Variants in ESR1 observed in about 807,000 individuals in gnomAD.
ESR1 encodes the protein estrogen receptor 1, also known as estrogen receptor.
Under a neutral mutation model 52.7 loss-of-function variants are expected in ESR1, and 12 were observed. The observed-to-expected ratio is 0.23, with a 90% CI of 0.15 to 0.37. ESR1 has a LOEUF of 0.37. ESR1 is among the 10% of genes least tolerant of loss of function. The pLI, the probability that ESR1 is intolerant of heterozygous loss-of-function variation, is 1.00. For missense variants in ESR1, 584 were observed against 779.7 expected, an observed-to-expected ratio of 0.75 and a Z score of 2.99; for synonymous variants, 305 against 316.8, an observed-to-expected ratio of 0.96 and a Z score of 0.39.
At chr6:152,085,110 C>T (rs2049590719) in intron 6 of ESR1, among the ~76,000 whole-genome samples, 4 of 152,126 alleles carry the variant, frequency 2.6e-5, no homozygotes, top group Admixed American at 2.6e-4. Context: ...TCTTCCTCTT[C>T]TGGATCGCTT....
Position 152,099,049 on chromosome 6 carries a change from C to G in ESR1, c.*83C>G, listed in dbSNP as rs886415111. On this transcript the variant is annotated 3_prime_UTR_variant, in exon 8 of 8. Coordinates refer to ENST00000206249, the MANE Select transcript of ESR1 (RefSeq NM_000125.4). The stretch of plus-strand genomic sequence containing the variant: ...GCACCACTTTAGCCAAATTCTGTCT[C>G]CTGCATACACTCCGGCATGCATCCA... The G allele has an allele frequency of 9.3e-7, 1 of 1,075,330 alleles. No homozygotes were observed. The highest frequency in any genetic ancestry group is 1.5e-5 in the African/African-American group (1 of 64,646). The allele number at this position is 1,075,330 out of a possible 1,614,324, so 66.6% of individuals were successfully genotyped here. A position where few individuals can be genotyped will look rare whatever the true frequency, so the allele number is the denominator to read the frequency against.
At chr6:151,806,530 G>GTGTATATATA (rs1554259015), upstream of ESR1, among the ~76,000 whole-genome samples, 5 of 96,446 alleles carry the variant, frequency 5.2e-5, no homozygotes, top group South Asian at 3.3e-4. Flanking sequence ...TCCTTAATAT[G>GTGTATATATA]TATATATATA....
At chr6:151,703,855 T>C (rs1365542955) in intron 2 of ESR1, among the ~76,000 whole-genome samples, 1 of 152,176 alleles carries the variant, frequency 6.6e-6, no homozygotes, top group Non-Finnish European at 1.5e-5. Context: ...AAACTTTGAT[T>C]CCAGAAAGGT....
chr6:151,718,421 A>G (rs1232791255), intron 2 of ESR1, among the ~76,000 whole-genome samples: 1 of 152,232 alleles, frequency 6.6e-6, no homozygotes, highest in African/African-American at 2.4e-5. Context: ...TAATTAAATA[A>G]TGAATTATTT....
chr6:151,760,157 C>T (rs1784566701), intron 2 of ESR1, among the ~76,000 whole-genome samples: 1 of 152,110 alleles, frequency 6.6e-6, no homozygotes, highest in Admixed American at 6.5e-5. Flanking sequence ...TATACATATT[C>T]CCAGGAGACT....
chr6:151,813,068 C>T (rs1434828841), intron 1 of ESR1, among the ~76,000 whole-genome samples: 1 of 151,838 alleles, frequency 6.6e-6, no homozygotes, highest in South Asian at 2.1e-4. Context: ...CTGGAGGTTA[C>T]GGGAAGCACC....
At chr6:152,116,131 CACG>C (rs1182960993) in intron 6 of ESR1, among the ~76,000 whole-genome samples, 1 of 152,098 alleles carries the variant, frequency 6.6e-6, no homozygotes, top group African/African-American at 2.4e-5. Context: ...TGTAAATCAT[CACG>C]ACTTTTTTAG....
At chr6:151,880,896 C>A in intron 3 of ESR1, 125 bp downstream of exon 3, 1 of 655,372 alleles carries the variant, frequency 1.5e-6, no homozygotes, top group Non-Finnish European at 2.8e-6. Flanking sequence ...TTTTTCTATT[C>A]TTATTTTTCT....
At chr6:151,709,029 A>G (rs1470518261) in intron 2 of ESR1, among the ~76,000 whole-genome samples, 2 of 152,176 alleles carry the variant, frequency 1.3e-5, no homozygotes, top group Admixed American at 6.5e-5. Context: ...GTTATTAACT[A>G]TAGTCACCAT....
In ESR1 at chr6:151,880,665, C is replaced by A; in HGVS notation, c.654C>A (p.Asp218Glu). The A allele has an allele frequency of 6.3e-7, 1 of 1,596,712 alleles. No individual in the cohort carries two copies. Among genetic ancestry groups the A allele is most frequent in the Non-Finnish European group, 8.6e-7 (1 of 1,164,096 alleles). The change falls in exon 3 of 8, where the codon GAC (aspartate) becomes GAA (glutamate). Residue 218 changes from aspartate (D) to glutamate (E), a missense_variant. Asp to Glu is a conservative substitution (Grantham distance 45, BLOSUM62 2). Around this residue, in one of 6 missense-constraint regions of ESR1, gnomAD observed 25 missense variants for 53.0 expected, o/e 0.47. Transcript: ENST00000206249. ...FFKRSIQGHN[D>E]YMCPATNQCT... ...TCTTGCTTTTAATAGGACATAACGACTATATGTGTCCAGCCACCAACCAGT... is the reference window on the plus strand; with the variant it reads ...TCTTGCTTTTAATAGGACATAACGAATATATGTGTCCAGCCACCAACCAGT...
upstream of ESR1, among the ~76,000 whole-genome samples, chr6:151,803,818 G>A (rs1183678865): frequency 6.6e-6 from 1 of 152,156 alleles, no homozygotes; most frequent in Non-Finnish European, 1.5e-5. Flanking sequence ...CCTCGAAGAA[G>A]ACAGTGAGAT....
At chr6:151,771,929 T>C (rs965285849) in intron 2 of ESR1, among the ~76,000 whole-genome samples, 2 of 152,226 alleles carry the variant, frequency 1.3e-5, no homozygotes, top group African/African-American at 4.8e-5. Context: ...GATACACTGC[T>C]TGACTATTAT....
intron 6 of ESR1, among the ~76,000 whole-genome samples, chr6:152,080,803 T>A (rs59918800): frequency 0.074 from 11,120 of 151,270 alleles, 764 homozygotes; most frequent in African/African-American, 0.19. Flanking sequence ...CGAAGGAAAA[T>A]CTACTGAGCA....
intron 1 of ESR1, among the ~76,000 whole-genome samples, chr6:151,818,757 T>G (rs1334066728): frequency 1.3e-5 from 2 of 152,044 alleles, no homozygotes; most frequent in African/African-American, 2.4e-5. Context: ...AAACTCTAAT[T>G]AATCATAAGC....
In ESR1 at chr6:151,732,501, A is replaced by G. The variant is rs1342919256; in HGVS notation, c.-71+30496A>G. On this transcript the variant is annotated intron_variant, in intron 2 of 2. Transcript: ENST00000404742. ...AGAAAGGATTTACGTGTCGGTAAAT[A>G]GGGTTCCTTTATGTTTGTGTATGTG... is the stretch of plus-strand genomic sequence containing the variant. 2.6e-5 allele frequency among the ~76,000 whole-genome samples: 4 copies of G among 151,156 alleles called. No individual in the cohort carries two copies. In the East Asian group the frequency reaches 7.8e-4, roughly 29 times the overall value.
chr6:152,059,563 C>T (rs567615389), intron 5 of ESR1, among the ~76,000 whole-genome samples: 14 of 152,104 alleles, frequency 9.2e-5, no homozygotes, highest in African/African-American at 2.4e-4. Flanking sequence ...CAGAAAAATA[C>T]GTGCAAAGGA....
At chr6:151,808,432 G>A in intron 1 of ESR1, 68 bp downstream of exon 1, 1 of 419,256 alleles carries the variant, frequency 2.4e-6, no homozygotes, top group African/African-American at 2.2e-5. Flanking sequence ...GGGAGGGAGG[G>A]AGAAGGGAGA....
At chr6:152,047,914 C>A (rs940519064) in intron 5 of ESR1, among the ~76,000 whole-genome samples, 3 of 145,088 alleles carry the variant, frequency 2.1e-5, no homozygotes, top group African/African-American at 8.2e-5. Flanking sequence ...TCACAGGGTT[C>A]CAGGATGTCA....
intron 2 of ESR1, among the ~76,000 whole-genome samples, chr6:151,788,606 A>G (rs773047984): frequency 1.3e-5 from 2 of 152,222 alleles, no homozygotes; most frequent in African/African-American, 2.4e-5. Flanking sequence ...GACTGGGTAT[A>G]TACCCAAATG....
Sources: gnomAD v4.1 joint callset for allele counts (sites outside exome capture counted in the v4.1 genomes callset) on GRCh38, gnomAD v4.1.1 for gene constraint, gnomAD v4.1.1 regional missense constraint, MANE v1.5 for transcripts, NCBI Gene and HGNC (gene_info 2026-07-23, HGNC 2026-07-21) for gene names.